FA2H: variants seen among roughly 807,000 people sequenced by gnomAD.
FA2H encodes fatty acid 2-hydroxylase, also known as fatty acid alpha-hydroxylase.
A neutral mutation model predicts 44.9 loss-of-function variants in FA2H; 22 were observed. The observed-to-expected ratio is 0.49, with a 90% CI of 0.35 to 0.70. The LOEUF (loss-of-function observed/expected upper bound fraction) is 0.70. FA2H is among the 30% of genes least tolerant of loss of function. FA2H has a pLI of 0.01. For missense variants in FA2H, 501 were observed against 504.9 expected (o/e 0.99, Z 0.07); for synonymous variants, 243 against 213.2 (o/e 1.14, Z -1.22).
In FA2H at chr16:74,751,236, A is replaced by T. The variant is rs546505426; in HGVS notation, c.271-11121T>A. Among the ~76,000 whole-genome samples the T allele has an allele frequency of 8.5e-5, 13 of 152,162 alleles. No individual in the cohort carries two copies. In the South Asian group the frequency reaches 2.1e-3, roughly 24 times the overall value. ...CAGCCTCCCGAGTAGCTGGGATTAT[A>T]GGCATGCACCACCATGCCTGACTAA... On this transcript the variant is annotated intron_variant, in intron 1 of 6. Coordinates refer to ENST00000219368, the MANE Select transcript of FA2H (RefSeq NM_024306.5).
chr16:74,744,396 G>A (rs997202708), intron 1 of FA2H, among the ~76,000 whole-genome samples: 1 of 151,070 alleles, frequency 6.6e-6, no homozygotes, highest in Non-Finnish European at 1.5e-5. Context: ...TGCCTCAAAT[G>A]AAGATATGTG....
chr16:74,736,750 T>C (rs1200603871), intron 2 of FA2H, among the ~76,000 whole-genome samples: 2 of 152,162 alleles, frequency 1.3e-5, no homozygotes, highest in Non-Finnish European at 2.9e-5. Flanking sequence ...TGCTGGTATC[T>C]GCTCAGCCTC....
At chr16:74,745,571 C>G (rs1043751827) in intron 1 of FA2H, among the ~76,000 whole-genome samples, 2 of 152,214 alleles carry the variant, frequency 1.3e-5, no homozygotes, top group Non-Finnish European at 2.9e-5. Context: ...TGCTCATTCC[C>G]AGCCAAGAGC....
rs772700245 is a variant in FA2H, at chr16:74,774,442, G to A, written c.270+44C>T. 10 of 1,469,396 alleles carry A rather than the reference G, an allele frequency of 6.8e-6. No homozygotes were observed. The African/African-American group carries it at 1.3e-4, about 19-fold the overall frequency. 91.0% of individuals were successfully genotyped at this position (1,469,396 alleles called of 1,614,324 possible). ...GGGGCTCGCCCGGGAGTGGAAGGCT[G>A]ACGGAGGCCTGGGTTGGGGTGGGGG... On this transcript the variant is annotated intron_variant, in intron 1 of 6. Transcript: ENST00000219368.
chr16:74,764,159 G>A (rs1435291893), intron 1 of FA2H, among the ~76,000 whole-genome samples: 1 of 152,246 alleles, frequency 6.6e-6, no homozygotes, highest in East Asian at 1.9e-4. Context: ...GGGGAAAGTG[G>A]TCATTAGAGT....
intron 1 of FA2H, among the ~76,000 whole-genome samples, chr16:74,764,726 TAAA>T (rs202030097): frequency 5.5e-5 from 8 of 144,318 alleles, no homozygotes; most frequent in African/African-American, 2.0e-4. Context: ...CTTAGAAGTT[TAAA>T]AAAAAAAAAA....
intron 3 of FA2H, 80 bp downstream of exon 3, chr16:74,727,164 A>G (rs1231167763): frequency 5.1e-6 from 8 of 1,581,008 alleles, no homozygotes; most frequent in South Asian, 2.2e-5. Context: ...GAGGGACTCA[A>G]TTGCCCCCTC....
At chr16:74,729,004 A>ATTTTTTTTTTTT (rs35360701) in intron 2 of FA2H, among the ~76,000 whole-genome samples, 11 of 38,990 alleles carry the variant, frequency 2.8e-4, no homozygotes, top group South Asian at 7.8e-4. Context: ...GATGGTCTTG[A>ATTTTTTTTTTTT]TTTTTTTTTT....
In FA2H at chr16:74,774,666, C is replaced by A; in HGVS notation, c.90G>T (p.Gly30=). The A allele has an allele frequency of 7.0e-7, 1 of 1,435,346 alleles. No individual in the cohort carries two copies. The highest frequency in any genetic ancestry group is 9.1e-7 in the Non-Finnish European group (1 of 1,097,520). 88.9% of individuals were successfully genotyped at this position (1,435,346 alleles called of 1,614,324 possible). A position where few individuals can be genotyped will look rare whatever the true frequency, so the allele number is the denominator to read the frequency against. Residue 30 remains glycine, a synonymous_variant, in exon 1 of 7, where the codon GGG becomes GGT. Transcript: ENST00000219368. ...LAAGACWVRR[G]ARLYDLSSFV... ...AGCTGGAGAGGTCGTAGAGGCGGGC[C>A]CCGCGGCGGACCCAGCACGCGCCGG...
chr16:74,755,661 A>C (rs530486964), intron 1 of FA2H, among the ~76,000 whole-genome samples: 1 of 152,192 alleles, frequency 6.6e-6, no homozygotes, highest in East Asian at 1.9e-4. Context: ...ACATACAGCA[A>C]ACTGGGAGAA....
rs199610820 is a variant in FA2H, at chr16:74,740,123, G to T, written c.271-8C>A. On this transcript the variant is annotated splice_polypyrimidine_tract_variant and splice_region_variant and intron_variant, in intron 1 of 6. Coordinates refer to ENST00000219368, the MANE Select transcript of FA2H (RefSeq NM_024306.5). ...CTCGTTCTCCATGGAGCCCTGGAAG[G>T]AGAAGATACAAGAGGATTATACACA... 414 of 1,607,326 alleles carry T rather than the reference G, an allele frequency of 2.6e-4. 4 individuals are homozygous for T. The highest frequency in any genetic ancestry group is 1.1e-3 in the South Asian group (97 of 90,938).
intron 3 of FA2H, among the ~76,000 whole-genome samples, chr16:74,726,590 G>A (rs188427553): frequency 6.6e-6 from 1 of 152,318 alleles, no homozygotes; most frequent in Admixed American, 6.5e-5. Context: ...GTTTCACCAT[G>A]TTGTCAGGCT....
chr16:74,771,410 C>T (rs879640740), intron 1 of FA2H, among the ~76,000 whole-genome samples: 3 of 151,840 alleles, frequency 2.0e-5, no homozygotes, highest in Non-Finnish European at 4.4e-5. Flanking sequence ...AGGCTGATGT[C>T]GAACTCCTGA....
chr16:74,761,497 A>G (rs1962710200), intron 1 of FA2H, among the ~76,000 whole-genome samples: 1 of 151,676 alleles, frequency 6.6e-6, no homozygotes, highest in Admixed American at 6.6e-5. Context: ...AAAAACGTAG[A>G]TCACTATATA....
chr16:74,727,926 A>C (rs538350461), intron 2 of FA2H, among the ~76,000 whole-genome samples: 1 of 152,268 alleles, frequency 6.6e-6, no homozygotes, highest in African/African-American at 2.4e-5. Flanking sequence ...TTATTCAGCA[A>C]TTTATTTTTT....
chr16:74,762,611 A>G (rs1050484485), intron 1 of FA2H, among the ~76,000 whole-genome samples: 2 of 152,010 alleles, frequency 1.3e-5, no homozygotes, highest in Admixed American at 6.6e-5. Context: ...GCTCACTGCA[A>G]CCTCCGCCTC....
At chr16:74,748,224 G>A (rs1962462177) in intron 1 of FA2H, among the ~76,000 whole-genome samples, 1 of 152,248 alleles carries the variant, frequency 6.6e-6, no homozygotes, top group Non-Finnish European at 1.5e-5. Flanking sequence ...TCGCTACATG[G>A]AAACGCTGCG....
At chr16:74,720,823 T>C (rs1028782026) in intron 4 of FA2H, among the ~76,000 whole-genome samples, 8 of 152,230 alleles carry the variant, frequency 5.3e-5, no homozygotes, top group Non-Finnish European at 1.2e-4. Context: ...TTCACGTCAA[T>C]TGAATCATAT....
rs1477970835 is a variant in FA2H, at chr16:74,728,407, A to G, written c.364-1021T>C. On this transcript the variant is annotated intron_variant, in intron 2 of 6. Coordinates refer to ENST00000219368, the MANE Select transcript of FA2H (RefSeq NM_024306.5). ...AATGCCCGGGTCACGGTAGGCGAGG[A>G]GGGCTTTGCAGAGGATCTGGGTTTT... Among the ~76,000 whole-genome samples the G allele has an allele frequency of 5.3e-5, 8 of 152,100 alleles. No individual in the cohort carries two copies. The East Asian group carries it at 1.5e-3, about 29-fold the overall frequency.
Sources: allele counts gnomAD v4.1 joint callset (sites outside exome capture counted in the v4.1 genomes callset), GRCh38; gene constraint gnomAD v4.1.1; transcripts MANE v1.5; gene names NCBI Gene and HGNC (gene_info 2026-07-23, HGNC 2026-07-21).